The following RGS12 variants were observed in gnomAD, a reference collection of about 807,000 sequenced individuals.
RGS12 encodes regulator of G protein signaling 12, also known as regulator of G-protein signaling 12.
A neutral mutation model predicts 120.1 loss-of-function variants in RGS12; 66 were observed. The observed-to-expected ratio is 0.55, with a 90% CI of 0.45 to 0.67. The LOEUF (loss-of-function observed/expected upper bound fraction) is 0.67, where lower values mean the gene tolerates loss of function less well. Among genes scored for constraint, RGS12 ranks in the 30% least tolerant of loss-of-function variants. The pLI, the probability that RGS12 is intolerant of heterozygous loss-of-function variation, is 0.00. For missense variants in RGS12, 1,859 were observed against 1,957.7 expected, an observed-to-expected ratio of 0.95 and a Z score of 0.95; for synonymous variants, 827 against 804.7, an observed-to-expected ratio of 1.03 and a Z score of -0.47.
chr4:3,412,058 G>A (rs569892325), intron 4 of RGS12, among the ~76,000 whole-genome samples: 6 of 152,388 alleles, frequency 3.9e-5, no homozygotes, highest in Non-Finnish European at 8.8e-5. Flanking sequence ...CATTACCACC[G>A]TGTTTCTGAT....
In RGS12 at chr4:3,337,956, C is replaced by T. The variant is rs572971069; in HGVS notation, c.1882-4981C>T. Among the ~76,000 whole-genome samples the T allele has an allele frequency of 7.8e-4, 119 of 152,318 alleles. 1 individual carries two copies. The highest frequency in any genetic ancestry group is 2.6e-3 in the African/African-American group (110 of 41,578). On this transcript the variant is annotated intron_variant, in intron 2 of 17. Coordinates refer to ENST00000336727, the MANE Select transcript of RGS12 (RefSeq NM_001394154.1). ...CAGCCATGAGCTGTGTGACCTTGCA[C>T]GGACTTGCTTCCCTGACTTCCCAGT...
At chr4:3,344,468 C>G (rs1025665263) in intron 3 of RGS12, among the ~76,000 whole-genome samples, 2 of 152,194 alleles carry the variant, frequency 1.3e-5, no homozygotes, top group Non-Finnish European at 2.9e-5. Flanking sequence ...AAGTCCTGTT[C>G]ATTTTCCTCC....
In RGS12 at chr4:3,369,072, C is replaced by G. The variant is rs867006424; in HGVS notation, c.1999-17344C>G. Reference sequence around the variant, plus strand: ...CGGGAGCCCCTTCCTGGGCTGGTGACAGAAGTGGAGGTGGCACCCCTTTCA... The same window carrying G: ...CGGGAGCCCCTTCCTGGGCTGGTGAGAGAAGTGGAGGTGGCACCCCTTTCA... On this transcript the variant is annotated intron_variant, in intron 3 of 17. Transcript: ENST00000336727. 4.6e-5 allele frequency among the ~76,000 whole-genome samples: 7 copies of G among 152,206 alleles called. 1 individual carries two copies. Among genetic ancestry groups the G allele is most frequent in the South Asian group, 4.1e-4 (2 of 4,824 alleles).
At chr4:3,325,825 G>A (rs779262830) in intron 2 of RGS12, among the ~76,000 whole-genome samples, 3 of 152,104 alleles carry the variant, frequency 2.0e-5, no homozygotes, top group Admixed American at 6.5e-5. Context: ...ACATCAAAAA[G>A]ATAATACGCT....
chr4:3,375,701 GC>G (rs1480775801), intron 3 of RGS12, among the ~76,000 whole-genome samples: 1 of 103,166 alleles, frequency 9.7e-6, no homozygotes, highest in Non-Finnish European at 1.9e-5. Context: ...CTCATCTCCA[GC>G]CCTCATCTCC....
intron 8 of RGS12, 73 bp downstream of exon 8, chr4:3,417,165 T>A: frequency 6.9e-7 from 1 of 1,452,740 alleles, no homozygotes; most frequent in Non-Finnish European, 9.2e-7. Flanking sequence ...CTGTGGGGAG[T>A]GAAAAGAGGC....
intron 3 of RGS12, among the ~76,000 whole-genome samples, chr4:3,373,079 T>A (rs1456432809): frequency 6.6e-6 from 1 of 152,098 alleles, no homozygotes. Flanking sequence ...AGACAGACGC[T>A]CATGCAGGGC....
At chr4:3,383,972 G>C (rs75297693) in intron 3 of RGS12, among the ~76,000 whole-genome samples, 1,578 of 152,288 alleles carry the variant, frequency 0.01, 35 homozygotes, top group African/African-American at 0.036. Context: ...ACTTTGTTCG[G>C]CCTGCCAGAT....
chr4:3,355,065 G>A (rs569745216), intron 3 of RGS12, among the ~76,000 whole-genome samples: 4 of 152,278 alleles, frequency 2.6e-5, no homozygotes, highest in African/African-American at 9.6e-5. Context: ...CAAAACATTA[G>A]CAAGGTGATT....
rs1329452107 is a variant in RGS12, at chr4:3,414,053, G to A, written c.2021-19G>A. Reference sequence around the variant, plus strand: ...GGCGGAGGGCAGGGGTGCAGGTGCTGTCTGTGCTGGTCCCGCAGAGTTGAC... The same window carrying A: ...GGCGGAGGGCAGGGGTGCAGGTGCTATCTGTGCTGGTCCCGCAGAGTTGAC... On this transcript the variant is annotated intron_variant, in intron 4 of 17. Transcript: ENST00000336727. 6.5e-7 allele frequency: 1 copy of A among 1,534,332 alleles called. No homozygotes were observed. The highest frequency in any genetic ancestry group is 1.9e-5 in the Admixed American group (1 of 53,542).
At chr4:3,427,648 A>G (rs1723792113) in intron 14 of RGS12, among the ~76,000 whole-genome samples, 1 of 152,160 alleles carries the variant, frequency 6.6e-6, no homozygotes, top group African/African-American at 2.4e-5. Flanking sequence ...AGGCAGGAGA[A>G]TTGCTTGAAC....
At chr4:3,434,013 G>C (rs1724581846) in intron 17 of RGS12, among the ~76,000 whole-genome samples, 1 of 152,244 alleles carries the variant, frequency 6.6e-6, no homozygotes, top group Non-Finnish European at 1.5e-5. Flanking sequence ...GCTGGCAGAG[G>C]TGTGCATGTG....
chr4:3,438,421 T>TG (rs1056363283), intron 17 of RGS12, among the ~76,000 whole-genome samples: 67 of 137,360 alleles, frequency 4.9e-4, no homozygotes, highest in African/African-American at 1.6e-3. Flanking sequence ...ACCGTACAGA[T>TG]GGGGGGGTGG....
chr4:3,436,986 G>C (rs1332047518), intron 17 of RGS12, among the ~76,000 whole-genome samples: 2 of 152,230 alleles, frequency 1.3e-5, no homozygotes, highest in Non-Finnish European at 2.9e-5. Context: ...GTGGCACCAG[G>C]AGTGAGACCA....
intron 4 of RGS12, among the ~76,000 whole-genome samples, chr4:3,407,853 T>C (rs1721325189): frequency 6.6e-6 from 1 of 152,252 alleles, no homozygotes; most frequent in African/African-American, 2.4e-5. Context: ...ATTTGTAACG[T>C]AACCTACATG....
intron 17 of RGS12, among the ~76,000 whole-genome samples, chr4:3,435,994 C>A (rs1216925690): frequency 6.6e-6 from 1 of 152,064 alleles, no homozygotes; most frequent in Non-Finnish European, 1.5e-5. Flanking sequence ...CCACTCACCA[C>A]ACTGTGCACC....
chr4:3,416,259 A>G, intron 7 of RGS12, 138 bp downstream of exon 7: 2 of 995,314 alleles, frequency 2.0e-6, no homozygotes, highest in Non-Finnish European at 2.9e-6. Context: ...ACGCAGACAG[A>G]AAGTGGGGCT....
chr4:3,395,394 T>G (rs1053135200), intron 4 of RGS12, among the ~76,000 whole-genome samples: 5 of 152,212 alleles, frequency 3.3e-5, no homozygotes, highest in Non-Finnish European at 5.9e-5. Flanking sequence ...TCGTGTTGGT[T>G]CTGACTTTTG....
intron 1 of RGS12, among the ~76,000 whole-genome samples, chr4:3,313,796 C>T (rs939814894): frequency 1.3e-5 from 2 of 152,150 alleles, no homozygotes; most frequent in Non-Finnish European, 2.9e-5. Context: ...CCCAGGCTCA[C>T]ACAGGCGCAC....
Sources: gnomAD v4.1 joint callset for allele counts (sites outside exome capture counted in the v4.1 genomes callset) on GRCh38, gnomAD v4.1.1 for gene constraint, MANE v1.5 for transcripts, NCBI Gene and HGNC (gene_info 2026-07-23, HGNC 2026-07-21) for gene names.